TRIM24: variants seen among roughly 807,000 people sequenced by gnomAD.
TRIM24 encodes the protein tripartite motif containing 24, also known as transcription intermediary factor 1-alpha.
TRIM24 carries 29 observed loss-of-function variants against 123.9 expected under a neutral mutation model. The observed-to-expected ratio is 0.23, with a 90% CI of 0.17 to 0.32. TRIM24 has a LOEUF of 0.32. TRIM24 is among the 10% of genes least tolerant of loss of function. TRIM24 has a pLI of 1.00. For synonymous variants in TRIM24, 456 were observed against 461.1 expected, an observed-to-expected ratio of 0.99 and a Z score of 0.14; for missense variants, 932 against 1,295.3, an observed-to-expected ratio of 0.72 and a Z score of 4.31.
chr7:138,534,104 G>C (rs1039786097), intron 6 of TRIM24, among the ~76,000 whole-genome samples: 11 of 145,484 alleles, frequency 7.6e-5, no homozygotes, highest in Admixed American at 7.4e-4. Context: ...ATTGTTCTCT[G>C]TTTTCTTCTT....
chr7:138,536,489 C>G (rs1255551741), intron 6 of TRIM24, among the ~76,000 whole-genome samples: 1 of 152,226 alleles, frequency 6.6e-6, no homozygotes. Context: ...CACTCCAGAC[C>G]CTGTTTGCCT....
intron 1 of TRIM24, among the ~76,000 whole-genome samples, chr7:138,473,973 A>G (rs1315398337): frequency 6.6e-6 from 1 of 151,868 alleles, no homozygotes; most frequent in Non-Finnish European, 1.5e-5. Flanking sequence ...ATCTCCCTAC[A>G]TTGCTCAGTC....
At chr7:138,463,662 G>T (rs918075437) in intron 1 of TRIM24, among the ~76,000 whole-genome samples, 2 of 152,116 alleles carry the variant, frequency 1.3e-5, no homozygotes, top group African/African-American at 4.8e-5. Context: ...GAGAACATGG[G>T]TCGTAAAGTT....
rs1184455380 is a variant in TRIM24 at position 138,585,883 on chromosome 7, T to C, written c.*932T>C. The stretch of plus-strand genomic sequence containing the variant: ...TCTTCATCATATACCCTACTGGGCA[T>C]TAAATATAAGTTCCTCTGAAAGGGA... On this transcript the variant is annotated 3_prime_UTR_variant, in exon 19 of 19. Transcript: ENST00000343526. The C allele has an allele frequency of 1.9e-6, 1 of 518,856 alleles. No homozygotes were observed. Among genetic ancestry groups the C allele is most frequent in the Non-Finnish European group, 3.8e-6 (1 of 259,850 alleles). 32.1% of individuals were successfully genotyped at this position (518,856 alleles called of 1,614,324 possible).
intron 1 of TRIM24, among the ~76,000 whole-genome samples, chr7:138,496,895 C>G (rs978621067): frequency 4.6e-5 from 7 of 152,140 alleles, no homozygotes; most frequent in African/African-American, 1.7e-4. Context: ...TTTGAACGCT[C>G]AACCAGCCTT....
intron 9 of TRIM24, among the ~76,000 whole-genome samples, chr7:138,559,568 G>A (rs1797384012): frequency 6.6e-6 from 1 of 152,182 alleles, no homozygotes; most frequent in South Asian, 2.1e-4. Context: ...GGGGTGACTA[G>A]AGCCGGGCTG....
In TRIM24 at chr7:138,460,795, C is replaced by G; in HGVS notation, c.247C>G (p.Pro83Ala). 3.2e-6 allele frequency: 5 copies of G among 1,582,896 alleles called. No homozygotes were observed. The highest frequency in any genetic ancestry group is 4.3e-6 in the Non-Finnish European group (5 of 1,167,920). The change falls in exon 1 of 19, where the codon CCC becomes GCC. Residue 83 changes from proline (P) to alanine (A), a missense_variant. Transcript: ENST00000343526. ...GCACTCTTTCTGCCAGCGCTGCCTG[C>G]CCGCGCCCCAGCGCTACCTCATGCT... ...CLHSFCQRCL[P>A]APQRYLMLPA...
intron 2 of TRIM24, among the ~76,000 whole-genome samples, chr7:138,508,708 CGTGT>C (rs61703393): frequency 4.7e-4 from 64 of 136,272 alleles, no homozygotes; most frequent in African/African-American, 2.9e-4. Flanking sequence ...CGCGTGTGTG[CGTGT>C]GTGTGTGCGT....
intron 6 of TRIM24, among the ~76,000 whole-genome samples, chr7:138,532,926 C>T (rs951832708): frequency 5.9e-5 from 9 of 152,296 alleles, no homozygotes; most frequent in Non-Finnish European, 8.8e-5. Flanking sequence ...AGGGGTCCTT[C>T]ACATCCCTTG....
chr7:138,469,850 G>T (rs1795231865), intron 1 of TRIM24, among the ~76,000 whole-genome samples: 1 of 152,192 alleles, frequency 6.6e-6, no homozygotes, highest in Non-Finnish European at 1.5e-5. Context: ...ATGCTGTATG[G>T]AGTATCCTGA....
At chr7:138,584,113 A>T in intron 18 of TRIM24, 114 bp downstream of exon 18, 1 of 1,187,742 alleles carries the variant, frequency 8.4e-7, no homozygotes, top group African/African-American at 1.6e-5. Context: ...ATAAATTTCC[A>T]ACTTTTCAGA....
chr7:138,498,034 T>G, intron 1 of TRIM24, among the ~76,000 whole-genome samples: 1 of 151,250 alleles, frequency 6.6e-6, no homozygotes, highest in East Asian at 2.0e-4. Flanking sequence ...ATTTATTTAT[T>G]TTTTGAGACA....
chr7:138,551,546 C>T (rs62485262), intron 8 of TRIM24, among the ~76,000 whole-genome samples: 20 of 152,264 alleles, frequency 1.3e-4, no homozygotes, highest in Non-Finnish European at 2.1e-4. Context: ...ATTTCATTAA[C>T]GTATGTATAT....
Position 138,579,388 on chromosome 7 carries a change from A to G in TRIM24, c.2441A>G (p.His814Arg). 1 of 1,614,148 alleles carries G rather than the reference A, an allele frequency of 6.2e-7. No homozygotes were observed. The highest frequency in any genetic ancestry group is 1.1e-5 in the South Asian group (1 of 91,086). The change falls in exon 15 of 19, where the codon CAT becomes CGT. Residue 814 changes from histidine to arginine, a missense_variant. This residue lies in a region of TRIM24 where 527 missense variants were observed against 691.3 expected (regional missense o/e 0.76). Transcript: ENST00000343526. ...WLDPSQKSPL[H>R]VGETRKEDDP... Reference sequence around the variant, plus strand: ...GATCCTTCCCAGAAGTCACCTCTTCATGTTGGAGAGACAAGGAAAGAGGAT... The same window carrying G: ...GATCCTTCCCAGAAGTCACCTCTTCGTGTTGGAGAGACAAGGAAAGAGGAT...
chr7:138,462,678 G>A (rs1209346782), intron 1 of TRIM24, among the ~76,000 whole-genome samples: 3 of 151,942 alleles, frequency 2.0e-5, no homozygotes, highest in Admixed American at 6.6e-5. Flanking sequence ...CTGTTCCTGT[G>A]AGTAAAAAAC....
intron 16 of TRIM24, 24 bp from the exon 17 acceptor site, chr7:138,581,673 C>G: frequency 6.4e-7 from 1 of 1,565,078 alleles, no homozygotes; most frequent in Non-Finnish European, 8.8e-7. Flanking sequence ...TATTTTATCT[C>G]AGTTTTTATT....
chr7:138,497,390 T>C (rs930915919), intron 1 of TRIM24, among the ~76,000 whole-genome samples: 1 of 142,790 alleles, frequency 7.0e-6, no homozygotes, highest in Non-Finnish European at 1.5e-5. Context: ...TCAATTACAA[T>C]TTCTTTTTTT....
chr7:138,557,877 A>T (rs887845531), intron 9 of TRIM24, among the ~76,000 whole-genome samples: 5 of 152,168 alleles, frequency 3.3e-5, no homozygotes, highest in African/African-American at 1.2e-4. Flanking sequence ...TGAGCATGTA[A>T]ATAGAGGTAC....
At chr7:138,555,347 A>G (rs570377636) in intron 9 of TRIM24, among the ~76,000 whole-genome samples, 3 of 152,308 alleles carry the variant, frequency 2.0e-5, no homozygotes, top group South Asian at 2.1e-4. Flanking sequence ...TGTTCAGTAA[A>G]CCACATTGCA....
Sources: allele counts gnomAD v4.1 joint callset (sites outside exome capture counted in the v4.1 genomes callset), GRCh38; gene constraint gnomAD v4.1.1; regional missense constraint gnomAD v4.1.1; transcripts MANE v1.5; gene names NCBI Gene and HGNC (gene_info 2026-07-23, HGNC 2026-07-21).